GATAD2A: variants seen among roughly 807,000 people sequenced by gnomAD.
GATAD2A encodes transcriptional repressor p66-alpha.
In GATAD2A, 12 loss-of-function variants were observed where a neutral mutation model predicts 68.5. The ratio of observed to expected loss-of-function variants is 0.18; its 90% confidence interval spans 0.11 to 0.28. The LOEUF (loss-of-function observed/expected upper bound fraction) is 0.28. Ranked by LOEUF, GATAD2A falls within the 10% of genes least tolerant of loss-of-function variation. The pLI is 1.00. For synonymous variants in GATAD2A, 410 were observed against 375.3 expected (o/e 1.09, Z -1.07); for missense variants, 755 against 868.5 (o/e 0.87, Z 1.64).
In GATAD2A at chr19:19,495,894, G is replaced by A. The variant is rs926461129; in HGVS notation, c.756+9G>A. ...TCGTCAGGGGGGCTCAGGTAAGCAG[G>A]GCTGTGCACATGGGGGAGACCTGGC... On this transcript the variant is annotated intron_variant, in intron 6 of 11. Transcript: ENST00000683918. 1 of 1,609,208 alleles carries A rather than the reference G, an allele frequency of 6.2e-7. No individual in the cohort carries two copies. The highest frequency in any genetic ancestry group is 8.5e-7 in the Non-Finnish European group (1 of 1,176,748).
At chr19:19,474,152 G>C in intron 2 of GATAD2A, 1 of 985,304 alleles carries the variant, frequency 1.0e-6, no homozygotes, top group Non-Finnish European at 1.2e-6. Context: ...AGATGTCTCT[G>C]AGGATCACGG....
At chr19:19,454,471 C>T (rs2056730453) in intron 1 of GATAD2A, among the ~76,000 whole-genome samples, 1 of 151,848 alleles carries the variant, frequency 6.6e-6, no homozygotes, top group South Asian at 2.1e-4. Context: ...TGTTGGCACC[C>T]ACCTGTGGTC....
At chr19:19,434,919 C>A in intron 1 of GATAD2A, 1 of 282,780 alleles carries the variant, frequency 3.5e-6, no homozygotes. Flanking sequence ...CATTCCCAGG[C>A]ACATCATGCC....
chr19:19,450,375 C>T (rs1420205430), intron 1 of GATAD2A, among the ~76,000 whole-genome samples: 1 of 152,198 alleles, frequency 6.6e-6, no homozygotes, highest in East Asian at 1.9e-4. Flanking sequence ...TAAATAGCGT[C>T]TTCCTGGAAG....
chr19:19,466,350 C>G (rs1037924969), intron 2 of GATAD2A, among the ~76,000 whole-genome samples: 4 of 152,224 alleles, frequency 2.6e-5, no homozygotes, highest in Non-Finnish European at 4.4e-5. Flanking sequence ...CCAGAATGTT[C>G]ATGCCCAGAC....
At chr19:19,441,665 C>A in intron 1 of GATAD2A, 1 of 179,122 alleles carries the variant, frequency 5.6e-6, no homozygotes. Context: ...AGGTTCATGC[C>A]ATTCTCCTGC....
chr19:19,413,122 C>G (rs903684755), intron 1 of GATAD2A, among the ~76,000 whole-genome samples: 1 of 152,208 alleles, frequency 6.6e-6, no homozygotes, highest in African/African-American at 2.4e-5. Context: ...TGAGGAGCAT[C>G]TGTCTTCTTG....
chr19:19,386,275 GC>G (rs1015239025), intron 1 of GATAD2A: 48 of 152,996 alleles, frequency 3.1e-4, no homozygotes, highest in Non-Finnish European at 5.7e-4. Flanking sequence ...GGGAGCCCCT[GC>G]TCTGGGCCCC....
chr19:19,409,272 CT>C (rs769179838), intron 1 of GATAD2A, among the ~76,000 whole-genome samples: 5 of 152,060 alleles, frequency 3.3e-5, no homozygotes, highest in Admixed American at 6.6e-5. Context: ...TTCTCTAGAC[CT>C]TTCCCCCCCA....
At chr19:19,451,655 G>A (rs904616004) in intron 1 of GATAD2A, among the ~76,000 whole-genome samples, 3 of 152,272 alleles carry the variant, frequency 2.0e-5, no homozygotes, top group South Asian at 2.1e-4. Flanking sequence ...GTGGGAATGC[G>A]TGTGAGACTC....
At chr19:19,422,716 G>GT (rs765812453) in intron 1 of GATAD2A, among the ~76,000 whole-genome samples, 12,398 of 142,096 alleles carry the variant, frequency 0.087, 1,738 homozygotes, top group African/African-American at 0.29. Context: ...TGTTTTTGTT[G>GT]TTTTTTTTTT....
intron 1 of GATAD2A, among the ~76,000 whole-genome samples, chr19:19,441,519 T>TG (rs2055075653): frequency 6.6e-6 from 1 of 151,846 alleles, no homozygotes; most frequent in South Asian, 2.1e-4. Context: ...GGACAACAGA[T>TG]GCACCACCAT....
intron 1 of GATAD2A, among the ~76,000 whole-genome samples, chr19:19,424,133 G>A (rs2052769792): frequency 6.6e-6 from 1 of 151,954 alleles, no homozygotes; most frequent in Non-Finnish European, 1.5e-5. Context: ...CTGTTTTCTA[G>A]GGCTGGTCTT....
Position 19,507,863 on chromosome 19 carries a change from T to C in GATAD2A, c.*2389T>C, listed in dbSNP as rs1052438676. 1 of 152,232 alleles carries C rather than the reference T, an allele frequency of 6.6e-6. No homozygotes were observed. The highest frequency in any genetic ancestry group is 1.5e-5 in the Non-Finnish European group (1 of 68,034). 9.4% of individuals were successfully genotyped at this position (152,232 alleles called of 1,614,324 possible). A position where few individuals can be genotyped will look rare whatever the true frequency, so the allele number is the denominator to read the frequency against. On this transcript the variant is annotated 3_prime_UTR_variant, in exon 12 of 12. Transcript: ENST00000683918. ...TATTTCCTTTCAGTTCCTTGCAGCATAACCTCTACGATAAGCCCCAAGCGG... is the reference window on the plus strand; with the variant it reads ...TATTTCCTTTCAGTTCCTTGCAGCACAACCTCTACGATAAGCCCCAAGCGG...
At chr19:19,402,198 A>G (rs2049816189), upstream of GATAD2A, 1 of 152,030 alleles carries the variant, frequency 6.6e-6, no homozygotes, top group African/African-American at 2.4e-5. Context: ...AGCTGGGGCT[A>G]CAGGCATGTG....
At chr19:19,478,348 C>T (rs2148207262) in intron 2 of GATAD2A, among the ~76,000 whole-genome samples, 1 of 152,306 alleles carries the variant, frequency 6.6e-6, no homozygotes, top group Non-Finnish European at 1.5e-5. Flanking sequence ...CGCCTGTAAT[C>T]CCAGCACTTT....
intron 1 of GATAD2A, among the ~76,000 whole-genome samples, chr19:19,418,506 G>A (rs1213744608): frequency 1.3e-5 from 2 of 152,216 alleles, no homozygotes; most frequent in Non-Finnish European, 2.9e-5. Flanking sequence ...GCCTGAGAAA[G>A]ATCTTTGTAG....
At chr19:19,504,113 G>A (rs2144533227) in intron 11 of GATAD2A, among the ~76,000 whole-genome samples, 1 of 152,332 alleles carries the variant, frequency 6.6e-6, no homozygotes, top group Non-Finnish European at 1.5e-5. Flanking sequence ...GGCTGAGGGA[G>A]GAGGATCGCT....
chr19:19,494,323 C>T lies in GATAD2A; in HGVS notation c.564C>T (p.Thr188=), dbSNP rs146134903. 425 of 1,612,916 alleles carry T rather than the reference C, an allele frequency of 2.6e-4. No homozygotes were observed. The Middle Eastern group carries it at 5.1e-3, about 19-fold the overall frequency. Residue 188 remains threonine, a synonymous_variant, in exon 5 of 12, where the codon ACC becomes ACT. Coordinates refer to ENST00000683918, the MANE Select transcript of GATAD2A (RefSeq NM_001384528.1). The part of the protein sequence containing the change: ...KPTGSVGSTV[T]TPPPLVRGTQ... Reference sequence around the variant, plus strand: ...CAGGTTCTGTTGGGAGCACCGTGACCACCCCTCCCCCGCTTGTTCGGGGCA... The same window carrying T: ...CAGGTTCTGTTGGGAGCACCGTGACTACCCCTCCCCCGCTTGTTCGGGGCA...
Sources: allele counts gnomAD v4.1 joint callset (sites outside exome capture counted in the v4.1 genomes callset), GRCh38; gene constraint gnomAD v4.1.1; transcripts MANE v1.5; gene names NCBI Gene and HGNC (gene_info 2026-07-23, HGNC 2026-07-21).